Variants in OR4B1 observed in about 807,000 individuals in gnomAD.
The protein encoded by OR4B1 is olfactory receptor family 4 subfamily B member 1, also known as olfactory receptor 4B1.
For synonymous variants in OR4B1, 196 were observed against 141.2 expected (o/e 1.39, Z -2.75); for missense variants, 520 against 370.7 (o/e 1.40, Z -3.31).
At position 48,217,547 on chromosome 11, in the gene OR4B1, C is replaced by G. The variant is rs779467794; in HGVS notation, c.738C>G (p.Ile246Met). The change falls in exon 1 of 1, where the codon ATC becomes ATG. Residue 246 changes from isoleucine to methionine, a missense_variant. Transcript: ENST00000309562. ...STCASHITVV[I>M]LFFGPAIFLY... is the part of the protein sequence containing the mutation. Reference sequence around the variant, plus strand: ...GTGCTTCTCACATCACAGTGGTCATCTTGTTTTTTGGACCTGCTATCTTCC... The same window carrying G: ...GTGCTTCTCACATCACAGTGGTCATGTTGTTTTTTGGACCTGCTATCTTCC... 2.5e-6 allele frequency: 4 copies of G among 1,614,060 alleles called. No individual in the cohort carries two copies. Among genetic ancestry groups the G allele is most frequent in the African/African-American group, 2.7e-5 (2 of 74,928 alleles).
At position 48,217,625 on chromosome 11, in the gene OR4B1, C is replaced by G. The variant is rs1359916216; in HGVS notation, c.816C>G (p.Phe272Leu). 2 of 1,612,602 alleles carry G rather than the reference C, an allele frequency of 1.2e-6. No individual in the cohort carries two copies. Among genetic ancestry groups the G allele is most frequent in the Non-Finnish European group, 1.7e-6 (2 of 1,179,982 alleles). The change falls in exon 1 of 1, where the codon TTC becomes TTG. Residue 272 changes from phenylalanine to leucine, a missense_variant. Phe to Leu is a conservative substitution (Grantham distance 22, BLOSUM62 0). Transcript: ENST00000309562. ...TFTEDKLVAV[F>L]YTVITPMLNP... is the part of the protein sequence containing the mutation. Reference sequence around the variant, plus strand: ...CTGAAGATAAACTTGTGGCTGTATTCTACACGGTCATCACCCCCATGCTGA... The same window carrying G: ...CTGAAGATAAACTTGTGGCTGTATTGTACACGGTCATCACCCCCATGCTGA...
chr11:48,217,423 CT>C lies in OR4B1; in HGVS notation c.615del (p.Val206SerfsTer18). The C allele has an allele frequency of 6.2e-7, 1 of 1,614,166 alleles. No individual in the cohort carries two copies. The highest frequency in any genetic ancestry group is 8.5e-7 in the Non-Finnish European group (1 of 1,180,034). On this transcript the variant is annotated frameshift_variant, in exon 1 of 1. Coordinates refer to ENST00000309562, the MANE Select transcript of OR4B1 (RefSeq NM_001005470.1). LOFTEE classifies it low-confidence loss of function (END_TRUNC). ...VIVLANSGLF[S>X]VFSFLILVSS... is the part of the protein sequence containing the mutation. ...GTGTTGGCCAACAGTGGATTATTCT[CT>C]GTCTTCTCCTTCCTCATCTTGGTGT...
chr11:48,217,092 T>G lies in OR4B1; in HGVS notation c.283T>G (p.Cys95Gly), dbSNP rs1322209472. The G allele has an allele frequency of 6.2e-7, 1 of 1,614,214 alleles. No homozygotes were observed. Residue 95 changes from cysteine (C) to glycine (G), a missense_variant, in exon 1 of 1, where the codon TGT (cysteine) becomes GGT (glycine). Physicochemically the swap from Cys to Gly is radical, Grantham distance 159. Transcript: ENST00000309562. ...AKIKTISLEG[C>G]LTQIFFFHFF... ...GATTAAAACCATCTCTCTGGAAGGCTGTCTGACTCAGATATTCTTCTTCCA... is the reference window on the plus strand; with the variant it reads ...GATTAAAACCATCTCTCTGGAAGGCGGTCTGACTCAGATATTCTTCTTCCA...
rs758032988 is a variant in OR4B1, at chr11:48,217,619, T to C, written c.810T>C (p.Ala270=). 1 of 1,613,348 alleles carries C rather than the reference T, an allele frequency of 6.2e-7. No homozygotes were observed. Among genetic ancestry groups the C allele is most frequent in the Admixed American group, 1.7e-5 (1 of 60,006 alleles). The stretch of plus-strand genomic sequence containing the variant: ...CTTTCACTGAAGATAAACTTGTGGC[T>C]GTATTCTACACGGTCATCACCCCCA... The part of the protein sequence containing the change: ...SSTFTEDKLV[A]VFYTVITPML... Residue 270 remains alanine, a synonymous_variant, in exon 1 of 1, where the codon GCT becomes GCC. Transcript: ENST00000309562.
chr11:48,217,429 T>A lies in OR4B1; in HGVS notation c.620T>A (p.Phe207Tyr), dbSNP rs994818790. 16 of 1,614,004 alleles carry A rather than the reference T, an allele frequency of 9.9e-6. No individual in the cohort carries two copies. Among genetic ancestry groups the A allele is most frequent in the Non-Finnish European group, 1.4e-5 (16 of 1,180,024 alleles). The change falls in exon 1 of 1, where the codon TTC becomes TAC. Residue 207 changes from phenylalanine (F) to tyrosine (Y), a missense_variant. By Grantham distance (22) the Phe-to-Tyr change is conservative. Transcript: ENST00000309562. ...VLANSGLFSVFSFLILVSSYI... is the reference protein window; with the variant it reads ...VLANSGLFSVYSFLILVSSYI... The stretch of plus-strand genomic sequence containing the variant: ...GCCAACAGTGGATTATTCTCTGTCT[T>A]CTCCTTCCTCATCTTGGTGTCCTCT...
In OR4B1 at chr11:48,217,153, T is replaced by C. The variant is rs1858636402; in HGVS notation, c.344T>C (p.Val115Ala). 6.2e-7 allele frequency: 1 copy of C among 1,614,114 alleles called. No individual in the cohort carries two copies. Among genetic ancestry groups the C allele is most frequent in the South Asian group, 1.1e-5 (1 of 91,082 alleles). The change falls in exon 1 of 1, where the codon GTG becomes GCG. Residue 115 changes from valine (V) to alanine (A), a missense_variant. Coordinates refer to ENST00000309562, the MANE Select transcript of OR4B1 (RefSeq NM_001005470.1). ...FGVAEILLIVVMAYDCYVAIC... is the reference protein window; with the variant it reads ...FGVAEILLIVAMAYDCYVAIC... Reference sequence around the variant, plus strand: ...GTTGCTGAGATCCTTTTGATTGTGGTGATGGCCTATGATTGCTACGTGGCC... The same window carrying C: ...GTTGCTGAGATCCTTTTGATTGTGGCGATGGCCTATGATTGCTACGTGGCC...
Position 48,217,458 on chromosome 11 carries a change from A to G in OR4B1, c.649A>G (p.Ile217Val). The change falls in exon 1 of 1, where the codon ATT becomes GTT. Residue 217 changes from isoleucine to valine, a missense_variant. By Grantham distance (29) the Ile-to-Val change is conservative. Transcript: ENST00000309562. The part of the protein sequence containing the change: ...FSFLILVSSY[I>V]VILVNLRNHS... ...CTTCCTCATCTTGGTGTCCTCTTATATTGTCATTCTGGTCAACTTGAGGAA... is the reference window on the plus strand; with the variant it reads ...CTTCCTCATCTTGGTGTCCTCTTATGTTGTCATTCTGGTCAACTTGAGGAA... 1.2e-6 allele frequency: 2 copies of G among 1,614,000 alleles called. No individual in the cohort carries two copies. Among genetic ancestry groups the G allele is most frequent in the Non-Finnish European group, 8.5e-7 (1 of 1,180,016 alleles).
In OR4B1 at chr11:48,217,248, T is replaced by C. The variant is rs761592331; in HGVS notation, c.439T>C (p.Trp147Arg). ...GTGTCACCTTCTGGTGGCTGGTTCC[T>C]GGCTGGGGGGCTTTTGTCACTCCAT... ...QLCHLLVAGS[W>R]LGGFCHSIIQ... Residue 147 changes from tryptophan (W) to arginine (R), a missense_variant, in exon 1 of 1, where the codon TGG becomes CGG. By Grantham distance (101) the Trp-to-Arg change is moderately radical (BLOSUM62 -3). Transcript: ENST00000309562. 6.2e-7 allele frequency: 1 copy of C among 1,614,208 alleles called. No homozygotes were observed. The highest frequency in any genetic ancestry group is 1.1e-5 in the South Asian group (1 of 91,084).
Position 48,217,608 on chromosome 11 carries a change from A to T in OR4B1, c.799A>T (p.Lys267Ter). The T allele has an allele frequency of 1.2e-6, 2 of 1,613,786 alleles. No individual in the cohort carries two copies. Among genetic ancestry groups the T allele is most frequent in the Non-Finnish European group, 1.7e-6 (2 of 1,180,032 alleles). The change falls in exon 1 of 1, where the codon AAA (lysine) becomes TAA (stop). Residue 267 changes from lysine (K) to a stop codon, truncating the protein, a stop_gained. Coordinates refer to ENST00000309562, the MANE Select transcript of OR4B1 (RefSeq NM_001005470.1). LOFTEE classifies it low-confidence loss of function (END_TRUNC). The stretch of plus-strand genomic sequence containing the variant: ...ACCTTCTTCCACTTTCACTGAAGAT[A>T]AACTTGTGGCTGTATTCTACACGGT... ...MRPSSTFTED[K>*]LVAVFYTVIT...
At position 48,217,111 on chromosome 11, in the gene OR4B1, T is replaced by TA; in HGVS notation, c.302_303insA (p.Phe101LeufsTer9). The TA allele has an allele frequency of 6.2e-7, 1 of 1,614,182 alleles. No homozygotes were observed. Among genetic ancestry groups the TA allele is most frequent in the Non-Finnish European group, 8.5e-7 (1 of 1,180,010 alleles). The stretch of plus-strand genomic sequence containing the variant: ...GAAGGCTGTCTGACTCAGATATTCT[T>TA]CTTCCACTTCTTTGGGGTTGCTGAG... On this transcript the variant is annotated frameshift_variant, in exon 1 of 1. Transcript: ENST00000309562. LOFTEE classifies it low-confidence loss of function (END_TRUNC).
At position 48,217,180 on chromosome 11, in the gene OR4B1, T is replaced by A. The variant is rs138796662; in HGVS notation, c.371T>A (p.Ile124Asn). The change falls in exon 1 of 1, where the codon ATT (isoleucine) becomes AAT (asparagine). Residue 124 changes from isoleucine (I) to asparagine (N), a missense_variant. Transcript: ENST00000309562. ...ATGGCCTATGATTGCTACGTGGCCATTTGCAAGCCTCTTCATTATATGAAC... is the reference window on the plus strand; with the variant it reads ...ATGGCCTATGATTGCTACGTGGCCAATTGCAAGCCTCTTCATTATATGAAC... ...VVMAYDCYVA[I>N]CKPLHYMNII... 16 of 1,614,064 alleles carry A rather than the reference T, an allele frequency of 9.9e-6. No homozygotes were observed. The African/African-American group carries it at 1.9e-4, about 19-fold the overall frequency.
Position 48,217,440 on chromosome 11 carries a change from A to G in OR4B1, c.631A>G (p.Ile211Val). ...SGLFSVFSFL[I>V]LVSSYIVILV... ...ATTATTCTCTGTCTTCTCCTTCCTC[A>G]TCTTGGTGTCCTCTTATATTGTCAT... The change falls in exon 1 of 1, where the codon ATC becomes GTC. Residue 211 changes from isoleucine to valine, a missense_variant. Transcript: ENST00000309562. 6.2e-7 allele frequency: 1 copy of G among 1,613,908 alleles called. No homozygotes were observed. The highest frequency in any genetic ancestry group is 1.1e-5 in the South Asian group (1 of 91,064).
At position 48,216,819 on chromosome 11, in the gene OR4B1, A is replaced by G. The variant is rs775725037; in HGVS notation, c.10A>G (p.Thr4Ala). The G allele has an allele frequency of 2.1e-5, 34 of 1,612,768 alleles. No individual in the cohort carries two copies. Among genetic ancestry groups the G allele is most frequent in the East Asian group, 1.6e-4 (7 of 44,880 alleles). MASTSNVTELIFTG... is the reference protein window; with the variant it reads MASASNVTELIFTG... ...TCTCTGAGTGGAATCCATGGCCAGTACAAGTAATGTGACTGAGTTGATTTT... is the reference window on the plus strand; with the variant it reads ...TCTCTGAGTGGAATCCATGGCCAGTGCAAGTAATGTGACTGAGTTGATTTT... The change falls in exon 1 of 1, where the codon ACA becomes GCA. Residue 4 changes from threonine to alanine, a missense_variant. Coordinates refer to ENST00000309562, the MANE Select transcript of OR4B1 (RefSeq NM_001005470.1).
rs747446275 is a variant in OR4B1 at position 48,217,242 on chromosome 11, G to A, written c.433G>A (p.Gly145Ser). The change falls in exon 1 of 1, where the codon GGT becomes AGT. Residue 145 changes from glycine to serine, a missense_variant. Physicochemically the swap from Gly to Ser is moderately conservative, Grantham distance 56. Transcript: ENST00000309562. The part of the protein sequence containing the change: ...SRQLCHLLVA[G>S]SWLGGFCHSI... ...TCAACTGTGTCACCTTCTGGTGGCTGGTTCCTGGCTGGGGGGCTTTTGTCA... is the reference window on the plus strand; with the variant it reads ...TCAACTGTGTCACCTTCTGGTGGCTAGTTCCTGGCTGGGGGGCTTTTGTCA... The A allele has an allele frequency of 1.4e-5, 22 of 1,614,016 alleles. No homozygotes were observed. In the South Asian group the frequency reaches 2.2e-4, roughly 16 times the overall value.
rs765815182 is a variant in OR4B1, at chr11:48,216,862, A to G, written c.53A>G (p.Asp18Gly). Reference protein sequence around the residue: ...TELIFTGLFQDPAVQSVCFVV... With the variant: ...TELIFTGLFQGPAVQSVCFVV... ...TTGATTTTCACTGGCCTTTTCCAGG[A>G]TCCAGCTGTGCAGAGTGTATGCTTT... is the stretch of plus-strand genomic sequence containing the variant. The change falls in exon 1 of 1, where the codon GAT becomes GGT. Residue 18 changes from aspartate (D) to glycine (G), a missense_variant. By Grantham distance (94) the Asp-to-Gly change is moderately conservative (BLOSUM62 -1). Transcript: ENST00000309562. 1.2e-6 allele frequency: 2 copies of G among 1,614,054 alleles called. No homozygotes were observed. The highest frequency in any genetic ancestry group is 8.5e-7 in the Non-Finnish European group (1 of 1,179,988).
Position 48,217,613 on chromosome 11 carries a change from T to C in OR4B1, c.804T>C (p.Leu268=). Residue 268 remains leucine, a synonymous_variant, in exon 1 of 1, where the codon CTT becomes CTC. Coordinates refer to ENST00000309562, the MANE Select transcript of OR4B1 (RefSeq NM_001005470.1). ...CTTCCACTTTCACTGAAGATAAACTTGTGGCTGTATTCTACACGGTCATCA... is the reference window on the plus strand; with the variant it reads ...CTTCCACTTTCACTGAAGATAAACTCGTGGCTGTATTCTACACGGTCATCA... ...RPSSTFTEDK[L]VAVFYTVITP... is the part of the protein sequence containing the mutation. 1 of 1,613,608 alleles carries C rather than the reference T, an allele frequency of 6.2e-7. No homozygotes were observed. Among genetic ancestry groups the C allele is most frequent in the South Asian group, 1.1e-5 (1 of 91,080 alleles).
Position 48,216,836 on chromosome 11 carries a change from GT to G in OR4B1, c.29del (p.Leu10Ter). 2 of 1,613,990 alleles carry G rather than the reference GT, an allele frequency of 1.2e-6. No individual in the cohort carries two copies. The highest frequency in any genetic ancestry group is 8.5e-7 in the Non-Finnish European group (1 of 1,179,926). MASTSNVTE[L>X]IFTGLFQDPA... ...TGGCCAGTACAAGTAATGTGACTGA[GT>G]TGATTTTCACTGGCCTTTTCCAGGA... On this transcript the variant is annotated frameshift_variant, in exon 1 of 1. Coordinates refer to ENST00000309562, the MANE Select transcript of OR4B1 (RefSeq NM_001005470.1). LOFTEE classifies it low-confidence loss of function (END_TRUNC).
rs1176409331 is a variant in OR4B1, at chr11:48,217,703, ATTGTGGAGC to A, written c.895_903del (p.Leu299_Ser301del). The A allele has an allele frequency of 1.9e-6, 3 of 1,600,746 alleles. No individual in the cohort carries two copies. Among genetic ancestry groups the A allele is most frequent in the South Asian group, 2.2e-5 (2 of 90,740 alleles). ...CAGAGGTGAAAATCGCCATAAGAAG[ATTGTGGAGC>A]AAAAAGGAGAATCCAGGGAGGGAGT... On this transcript the variant is annotated inframe_deletion, in exon 1 of 1. Transcript: ENST00000309562.
In OR4B1 at chr11:48,216,997, G is replaced by A. The variant is rs11606506; in HGVS notation, c.188G>A (p.Cys63Tyr). ...TCTCCCATGTACTTCTTCCTTAGCTGCCTGTCCTTGGTGGAGATCAGTTAT... is the reference window on the plus strand; with the variant it reads ...TCTCCCATGTACTTCTTCCTTAGCTACCTGTCCTTGGTGGAGATCAGTTAT... ...LDSPMYFFLSCLSLVEISYSS... is the reference protein window; with the variant it reads ...LDSPMYFFLSYLSLVEISYSS... The change falls in exon 1 of 1, where the codon TGC (cysteine) becomes TAC (tyrosine). Residue 63 changes from cysteine to tyrosine, a missense_variant. Cys to Tyr is a radical substitution (Grantham distance 194, BLOSUM62 -2). Coordinates refer to ENST00000309562, the MANE Select transcript of OR4B1 (RefSeq NM_001005470.1). 313,478 of 1,613,490 alleles carry A rather than the reference G, an allele frequency of 0.19. 34,508 individuals carry two copies. Among genetic ancestry groups the A allele is most frequent in the South Asian group, 0.42 (38,586 of 91,046 alleles).
Sources: gnomAD v4.1 joint callset for allele counts on GRCh38, gnomAD v4.1.1 for gene constraint, MANE v1.5 for transcripts, NCBI Gene and HGNC (gene_info 2026-07-23, HGNC 2026-07-21) for gene names.